The following CADM2 variants were observed in gnomAD, a reference collection of about 807,000 sequenced individuals.
CADM2 encodes the protein immunoglobulin superfamily member 4D.
Under a neutral mutation model 49.8 loss-of-function variants are expected in CADM2, and 12 were observed. The observed-to-expected ratio is 0.24, with a 90% CI of 0.15 to 0.39. CADM2 has a LOEUF of 0.39. Ranked by LOEUF, CADM2 falls within the 10% of genes least tolerant of loss-of-function variation. CADM2 has a pLI of 1.00. For synonymous variants in CADM2, 214 were observed against 175.4 expected (o/e 1.22, Z -1.74); for missense variants, 378 against 492.3 (o/e 0.77, Z 2.20).
At chr3:85,224,268 G>A (rs1043714429) in intron 1 of CADM2, among the ~76,000 whole-genome samples, 6 of 151,994 alleles carry the variant, frequency 3.9e-5, no homozygotes, top group African/African-American at 7.3e-5. Flanking sequence ...AACATCTGTC[G>A]TTTCCTGACT....
rs569910078 is a variant in CADM2 at position 85,678,040 on chromosome 3, T to C, written c.62-48482T>C. On this transcript the variant is annotated intron_variant, in intron 1 of 9. Transcript: ENST00000383699. ...CATAAAGTCTAATCACACATTGGCT[T>C]ACCAAAAATGAAAGAAGAATAGTAT... Among the ~76,000 whole-genome samples, 19 of 152,278 alleles carry C rather than the reference T, an allele frequency of 1.2e-4. No individual in the cohort carries two copies. The East Asian group carries it at 3.7e-3, about 29-fold the overall frequency.
intron 1 of CADM2, among the ~76,000 whole-genome samples, chr3:85,184,534 A>G (rs2041008615): frequency 6.6e-6 from 1 of 152,146 alleles, no homozygotes; most frequent in African/African-American, 2.4e-5. Context: ...CATAGGCATT[A>G]TATGTGATGC....
Position 85,055,311 on chromosome 3 carries a change from G to A in CADM2, c.61+95643G>A, listed in dbSNP as rs115843947. Among the ~76,000 whole-genome samples, 83 of 152,100 alleles carry A rather than the reference G, an allele frequency of 5.5e-4. 1 individual carries two copies. The highest frequency in any genetic ancestry group is 5.9e-5 in the Non-Finnish European group (4 of 67,890). On this transcript the variant is annotated intron_variant, in intron 1 of 9. Transcript: ENST00000383699. Reference sequence around the variant, plus strand: ...AGATCAAGGACATGAAACTATTCATGTGGCATGCTTCTTATTCCAGTGTAG... The same window carrying A: ...AGATCAAGGACATGAAACTATTCATATGGCATGCTTCTTATTCCAGTGTAG...
intron 1 of CADM2, among the ~76,000 whole-genome samples, chr3:85,149,208 A>T (rs2039845427): frequency 6.6e-6 from 1 of 152,058 alleles, no homozygotes. Context: ...CTCATGGTGA[A>T]ATTTAATTGC....
chr3:85,631,526 G>A (rs978007726), intron 1 of CADM2, among the ~76,000 whole-genome samples: 5 of 152,008 alleles, frequency 3.3e-5, no homozygotes, highest in Non-Finnish European at 5.9e-5. Flanking sequence ...TGTCTGTTCA[G>A]TTGAGCCAGC....
At chr3:85,537,977 A>G (rs2061461451) in intron 1 of CADM2, among the ~76,000 whole-genome samples, 1 of 152,162 alleles carries the variant, frequency 6.6e-6, no homozygotes, top group Non-Finnish European at 1.5e-5. Context: ...ATTTGAGCTC[A>G]GGGACAAATA....
intron 1 of CADM2, among the ~76,000 whole-genome samples, chr3:85,649,199 C>A (rs1456600339): frequency 6.6e-6 from 1 of 152,152 alleles, no homozygotes; most frequent in Non-Finnish European, 1.5e-5. Flanking sequence ...AGATTAACTT[C>A]ATTTTTATTA....
At chr3:85,000,088 A>C (rs1326866529) in intron 1 of CADM2, among the ~76,000 whole-genome samples, 4 of 147,864 alleles carry the variant, frequency 2.7e-5, no homozygotes, top group African/African-American at 1.0e-4. Context: ...TGGCTGTTTT[A>C]ATATAACATA....
At chr3:85,711,925 A>G (rs2067132169) in intron 1 of CADM2, among the ~76,000 whole-genome samples, 1 of 152,200 alleles carries the variant, frequency 6.6e-6, no homozygotes, top group African/African-American at 2.4e-5. Context: ...GCTTCATATT[A>G]GAAGTCAAAA....
At chr3:86,026,075 G>C (rs932024862) in intron 8 of CADM2, among the ~76,000 whole-genome samples, 1 of 152,080 alleles carries the variant, frequency 6.6e-6, no homozygotes, top group Non-Finnish European at 1.5e-5. Flanking sequence ...AATGTTTATT[G>C]TGTACTAGGG....
intron 1 of CADM2, among the ~76,000 whole-genome samples, chr3:85,115,869 T>A (rs184864747): frequency 4.2e-4 from 64 of 152,274 alleles, no homozygotes; most frequent in Non-Finnish European, 7.9e-4. Flanking sequence ...ACATTCTCTA[T>A]CTCATCCAGT....
At position 85,541,775 on chromosome 3, in the gene CADM2, T is replaced by TATATATATATATATATATATA. The variant is rs1559897737; in HGVS notation, c.62-184747_62-184746insATATATATATATATATATATA. On this transcript the variant is annotated intron_variant, in intron 1 of 9. Transcript: ENST00000383699. Reference sequence around the variant, plus strand: ...ATATTTTATATATATATTTTATATTTTATATATATATATATATATGTATAG... The same window carrying TATATATATATATATATATATA: ...ATATTTTATATATATATTTTATATTTATATATATATATATATATATATATATATATATATATATATGTATAG... 5.0e-3 allele frequency among the ~76,000 whole-genome samples: 440 copies of TATATATATATATATATATATA among 88,236 alleles called. 20 individuals carry two copies. The highest frequency in any genetic ancestry group is 0.012 in the African/African-American group (377 of 30,672). The allele number at this position is 88,236 out of a possible 152,430, so 57.9% of individuals were successfully genotyped here. A position where few individuals can be genotyped will look rare whatever the true frequency, so the allele number is the denominator to read the frequency against.
intron 8 of CADM2, among the ~76,000 whole-genome samples, chr3:86,007,993 T>G (rs1039102849): frequency 4.6e-5 from 7 of 152,198 alleles, no homozygotes; most frequent in African/African-American, 1.4e-4. Context: ...GCTTAGAATT[T>G]GAAAGCAAAT....
chr3:85,087,130 A>G (rs942948729), intron 1 of CADM2, among the ~76,000 whole-genome samples: 4 of 152,178 alleles, frequency 2.6e-5, no homozygotes, highest in Non-Finnish European at 5.9e-5. Flanking sequence ...TGACAGCAGA[A>G]AAAGGTAATC....
intron 8 of CADM2, among the ~76,000 whole-genome samples, chr3:86,061,514 A>T (rs1290246726): frequency 6.6e-6 from 1 of 152,180 alleles, no homozygotes; most frequent in Non-Finnish European, 1.5e-5. Flanking sequence ...ATAGACCACA[A>T]TACATTTTAG....
At chr3:85,531,123 C>G (rs1195863023) in intron 1 of CADM2, among the ~76,000 whole-genome samples, 1 of 152,134 alleles carries the variant, frequency 6.6e-6, no homozygotes, top group African/African-American at 2.4e-5. Context: ...CACTGAATAT[C>G]CTTCTACTAA....
intron 1 of CADM2, among the ~76,000 whole-genome samples, chr3:85,249,974 A>C (rs963238989): frequency 6.6e-6 from 1 of 151,894 alleles, no homozygotes; most frequent in Non-Finnish European, 1.5e-5. Context: ...TGACAATAAC[A>C]TAAAAGAAGG....
At chr3:85,560,258 TGC>T (rs2062060468) in intron 1 of CADM2, among the ~76,000 whole-genome samples, 1 of 152,170 alleles carries the variant, frequency 6.6e-6, no homozygotes, top group Non-Finnish European at 1.5e-5. Flanking sequence ...GAGCAGCAGG[TGC>T]ACCAGCTTGA....
chr3:85,314,189 G>T (rs2043532760), intron 1 of CADM2, among the ~76,000 whole-genome samples: 1 of 152,052 alleles, frequency 6.6e-6, no homozygotes, highest in African/African-American at 2.4e-5. Context: ...CGCCCTGCCT[G>T]TACATATCTT....
Sources: gnomAD v4.1 joint callset for allele counts (sites outside exome capture counted in the v4.1 genomes callset) on GRCh38, gnomAD v4.1.1 for gene constraint, MANE v1.5 for transcripts, NCBI Gene and HGNC (gene_info 2026-07-23, HGNC 2026-07-21) for gene names.